Variants in KAZN observed in about 807,000 individuals in gnomAD.
KAZN encodes the protein kazrin.
In KAZN, 40 loss-of-function variants were observed where a neutral mutation model predicts 87.4. That is an observed-to-expected ratio of 0.46 (90% confidence interval 0.36 to 0.60). The LOEUF (loss-of-function observed/expected upper bound fraction) is 0.60, where lower values mean the gene tolerates loss of function less well. Among genes scored for constraint, KAZN ranks in the 20% least tolerant of loss-of-function variants. The probability of loss-of-function intolerance (pLI) is 0.00; values close to 1 mark genes in which losing one functional copy is unlikely to be tolerated. For missense variants in KAZN, 898 were observed against 1,073.9 expected (o/e 0.84, Z 2.29); for synonymous variants, 466 against 458.3 (o/e 1.02, Z -0.22).
At chr1:14,477,881 C>T (rs957260208) in intron 2 of KAZN, among the ~76,000 whole-genome samples, 1 of 152,180 alleles carries the variant, frequency 6.6e-6, no homozygotes, top group Admixed American at 6.5e-5. Context: ...AAATTACCTC[C>T]TCCTTCTTGC....
At chr1:14,386,608 A>G (rs1467201261) in intron 2 of KAZN, among the ~76,000 whole-genome samples, 1 of 152,070 alleles carries the variant, frequency 6.6e-6, no homozygotes, top group African/African-American at 2.4e-5. Flanking sequence ...TCGGGGTGGA[A>G]AATTCTTTTC....
chr1:14,959,613 TAATG>T (rs1663595317), intron 1 of KAZN, among the ~76,000 whole-genome samples: 1 of 152,174 alleles, frequency 6.6e-6, no homozygotes, highest in African/African-American at 2.4e-5. Flanking sequence ...GGGACCTGCT[TAATG>T]AATATTTCAG....
At chr1:14,669,447 A>G (rs1444866854) in intron 1 of KAZN, among the ~76,000 whole-genome samples, 1 of 152,196 alleles carries the variant, frequency 6.6e-6, no homozygotes, top group Non-Finnish European at 1.5e-5. Context: ...TTGATTTCCA[A>G]ATAGTAGAAC....
intron 1 of KAZN, among the ~76,000 whole-genome samples, chr1:14,111,886 C>A (rs1046532439): frequency 1.3e-5 from 2 of 151,972 alleles, no homozygotes; most frequent in Non-Finnish European, 1.5e-5. Context: ...ACTACAGCTG[C>A]GCACCACCAC....
intron 1 of KAZN, among the ~76,000 whole-genome samples, chr1:14,822,118 C>T (rs1294988650): frequency 2.6e-5 from 4 of 152,308 alleles, no homozygotes; most frequent in East Asian, 1.9e-4. Context: ...ACCCTTCTTG[C>T]CTCTTTCCAT....
At chr1:13,991,060 G>C (rs1557767797) in intron 1 of KAZN, among the ~76,000 whole-genome samples, 1 of 152,082 alleles carries the variant, frequency 6.6e-6, no homozygotes, top group Non-Finnish European at 1.5e-5. Context: ...AGACAGGAAA[G>C]AATAGCTAGC....
At chr1:14,116,373 G>A (rs546732835) in intron 1 of KAZN, among the ~76,000 whole-genome samples, 24 of 152,334 alleles carry the variant, frequency 1.6e-4, no homozygotes, top group South Asian at 4.1e-4. Context: ...TGCTCCAGCC[G>A]TGGCTGACAG....
intron 1 of KAZN, among the ~76,000 whole-genome samples, chr1:14,899,132 G>A (rs1325703351): frequency 6.6e-6 from 1 of 152,218 alleles, no homozygotes; most frequent in East Asian, 1.9e-4. Context: ...CTGAGCAGAT[G>A]TGTTGAATGA....
chr1:13,976,388 C>T (rs12059926), intron 1 of KAZN, among the ~76,000 whole-genome samples: 6,222 of 152,112 alleles, frequency 0.041, 431 homozygotes, highest in African/African-American at 0.14. Context: ...GAAATGACCT[C>T]CTTGTCAAGA....
intron 1 of KAZN, among the ~76,000 whole-genome samples, chr1:14,701,044 A>G (rs1199609898): frequency 1.3e-5 from 2 of 152,192 alleles, no homozygotes; most frequent in African/African-American, 2.4e-5. Flanking sequence ...TTAGTTCTGT[A>G]TTGGACATTT....
At chr1:14,530,420 C>T (rs1672144620) in intron 2 of KAZN, among the ~76,000 whole-genome samples, 1 of 152,268 alleles carries the variant, frequency 6.6e-6, no homozygotes, top group Non-Finnish European at 1.5e-5. Context: ...TTACACATCT[C>T]GATTTGGTTT....
At chr1:14,634,083 G>A (rs56003066) in intron 1 of KAZN, among the ~76,000 whole-genome samples, 5,503 of 152,042 alleles carry the variant, frequency 0.036, 215 homozygotes, top group African/African-American at 0.094. Flanking sequence ...TTGCAGAGAG[G>A]GACCCATTCT....
At chr1:14,337,840 G>A (rs1427895088) in intron 2 of KAZN, among the ~76,000 whole-genome samples, 1 of 148,084 alleles carries the variant, frequency 6.8e-6, no homozygotes, top group Non-Finnish European at 1.5e-5. Context: ...GTTATGATGA[G>A]CCAAGATTGA....
chr1:14,060,224 G>C (rs545703118), intron 1 of KAZN, among the ~76,000 whole-genome samples: 1 of 152,022 alleles, frequency 6.6e-6, no homozygotes, highest in African/African-American at 2.4e-5. Flanking sequence ...TTAGCTGGGC[G>C]TGGCAGCATG....
At chr1:14,988,304 G>A (rs958017593) in intron 2 of KAZN, among the ~76,000 whole-genome samples, 4 of 152,188 alleles carry the variant, frequency 2.6e-5, no homozygotes, top group African/African-American at 7.2e-5. Flanking sequence ...GTCACAGAAC[G>A]CGCCCCTCCC....
chr1:14,712,800 G>A (rs1169564441), intron 1 of KAZN, among the ~76,000 whole-genome samples: 4 of 152,156 alleles, frequency 2.6e-5, no homozygotes, highest in Non-Finnish European at 4.4e-5. Flanking sequence ...GCAAGCCATA[G>A]GTAAAAACCA....
chr1:13,940,213 G>A (rs906370848), intron 1 of KAZN, among the ~76,000 whole-genome samples: 8 of 152,092 alleles, frequency 5.3e-5, no homozygotes, highest in Non-Finnish European at 1.5e-5. Context: ...ATTGGTACCA[G>A]TTCTTCCTTG....
rs145472287 is a variant in KAZN at position 14,088,617 on chromosome 1, C to T, written c.92-91818C>T. Among the ~76,000 whole-genome samples the T allele has an allele frequency of 6.3e-3, 960 of 152,014 alleles. 10 individuals carry two copies. In the South Asian group the frequency reaches 0.066, roughly 10 times the overall value. ...AGAATGCTCTTCTGCTGTTGTTGGA[C>T]AGGATGGTCTATAAACATTGGTTAG... On this transcript the variant is annotated intron_variant, in intron 1 of 16. Coordinates refer to the KAZN transcript ENST00000636203.
Position 14,856,262 on chromosome 1 carries a change from T to C in KAZN, c.227-104422T>C, listed in dbSNP as rs1489800060. On this transcript the variant is annotated intron_variant, in intron 1 of 14. Transcript: ENST00000376030. This position sits in a 1 kb window ranked among gnomAD's most constrained non-coding sequence, Gnocchi z 5.2. ...GAAATAACTTTCCCCACGTGCATTA[T>C]TAAGTGAATGTGAAGAATACATATT... Among the ~76,000 whole-genome samples the C allele has an allele frequency of 1.3e-5, 2 of 152,150 alleles. No individual in the cohort carries two copies. Among genetic ancestry groups the C allele is most frequent in the Admixed American group, 1.3e-4 (2 of 15,264 alleles).
Sources: gnomAD v4.1 joint callset for allele counts (sites outside exome capture counted in the v4.1 genomes callset) on GRCh38, gnomAD v4.1.1 for gene constraint, Gnocchi (gnomAD v3.1) non-coding constraint, MANE v1.5 for transcripts, NCBI Gene and HGNC (gene_info 2026-07-23, HGNC 2026-07-21) for gene names.